The following SPIN3 variants were observed in gnomAD, a reference collection of about 807,000 sequenced individuals.
SPIN3 encodes the protein spindlin-3.
For missense variants in SPIN3, 176 were observed against 196.4 expected (o/e 0.90, Z 0.62); for synonymous variants, 74 against 74.3 (o/e 1.00, Z 0.02).
intron 5 of SPIN3, chrX:56,978,256 T>C (rs1196285305): frequency 8.9e-6 from 1 of 112,725 alleles, no homozygotes; most frequent in Non-Finnish European, 1.9e-5. Flanking sequence ...ATTCAATGTA[T>C]GAACAGGAAA....
At position 56,994,576 on chromosome X, in the gene SPIN3, C is replaced by G; in HGVS notation, c.372G>C (p.Leu124Phe). 3 of 1,211,761 alleles carry G rather than the reference C, an allele frequency of 2.5e-6. No individual in the cohort carries two copies. Among genetic ancestry groups the G allele is most frequent in the Non-Finnish European group, 3.3e-6 (3 of 895,556 alleles). ...VASSRISDTH[L>F]AEIMVGKAVE... The stretch of plus-strand genomic sequence containing the variant: ...CTGCTTTGCCAACCATTATTTCTGC[C>G]AAGTGTGTATCACTGATTCTAGATG... The change falls in exon 2 of 2, where the codon TTG (leucine) becomes TTC (phenylalanine). Residue 124 changes from leucine (L) to phenylalanine (F), a missense_variant. Leu to Phe is a conservative substitution (Grantham distance 22, BLOSUM62 0). Transcript: ENST00000374919.
intron 5 of SPIN3, chrX:56,977,230 G>A (rs895460604): frequency 5.4e-5 from 6 of 110,797 alleles, no homozygotes; most frequent in East Asian, 5.6e-4. Context: ...TTGAATTAAC[G>A]TGTCACTATT....
chrX:56,983,010 G>A (rs1215817970), intron 3 of SPIN3: 2 of 111,655 alleles, frequency 1.8e-5, no homozygotes, highest in African/African-American at 6.5e-5. Flanking sequence ...GTAGAAAGGA[G>A]CCAGATCATG....
At chrX:56,986,726 TTA>T (rs1471354398), downstream of SPIN3, among the ~76,000 whole-genome samples, 3 of 112,706 alleles carry the variant, frequency 2.7e-5, no homozygotes, top group Non-Finnish European at 3.7e-5. Flanking sequence ...AGCTTCAACT[TTA>T]TGTTATGCAC....
chrX:56,986,284 T>C (rs1014955095), downstream of SPIN3, among the ~76,000 whole-genome samples: 1 of 111,575 alleles, frequency 9.0e-6, no homozygotes, highest in Non-Finnish European at 1.9e-5. Flanking sequence ...AAGAGGGTGA[T>C]AGAGAGGGAA....
chrX:56,982,738 C>T (rs1924145275), intron 3 of SPIN3: 1 of 111,300 alleles, frequency 9.0e-6, no homozygotes, highest in Non-Finnish European at 1.9e-5. Flanking sequence ...AATACTATAA[C>T]AAAGGGATAA....
In SPIN3 at chrX:56,992,611, G is replaced by A; in HGVS notation, c.*1560C>T. On this transcript the variant is annotated 3_prime_UTR_variant, in exon 2 of 2. Coordinates refer to ENST00000374919, the MANE Select transcript of SPIN3 (RefSeq NM_001010862.3). Reference sequence around the variant, plus strand: ...AATTTGGAAGATATCTTGCAGTACAGTCCCAATATGATTGTACTGCCTTGA... The same window carrying A: ...AATTTGGAAGATATCTTGCAGTACAATCCCAATATGATTGTACTGCCTTGA... 1 of 296,840 alleles carries A rather than the reference G, an allele frequency of 3.4e-6. No homozygotes were observed. The highest frequency in any genetic ancestry group is 5.9e-6 in the Non-Finnish European group (1 of 169,964). The allele number at this position is 296,840 out of a possible 1,213,427, so 24.5% of individuals were successfully genotyped here.
At chrX:56,986,784 A>C (rs969400279), downstream of SPIN3, among the ~76,000 whole-genome samples, 24 of 112,344 alleles carry the variant, frequency 2.1e-4, no homozygotes, top group Admixed American at 1.3e-3. Flanking sequence ...CCCCATTTCC[A>C]TTTAATCAGT....
At chrX:56,979,485 A>C (rs1200472234) in intron 3 of SPIN3, 3 of 112,442 alleles carry the variant, frequency 2.7e-5, no homozygotes, top group Non-Finnish European at 5.6e-5. Flanking sequence ...AACAGCAAAC[A>C]AAACAACCAG....
At chrX:56,981,379 A>G (rs1051497391) in intron 3 of SPIN3, 2 of 109,288 alleles carry the variant, frequency 1.8e-5, no homozygotes, top group Non-Finnish European at 3.8e-5. Context: ...AAAAAAAAAG[A>G]AAAAGAAAAA....
At chrX:56,987,644 G>A (rs1602740526), downstream of SPIN3, among the ~76,000 whole-genome samples, 1 of 111,775 alleles carries the variant, frequency 8.9e-6, no homozygotes, top group East Asian at 2.8e-4. Context: ...TCAAAAAGTA[G>A]CTGAATGAAT....
chrX:56,979,245 T>C (rs941366402), intron 3 of SPIN3: 4 of 111,454 alleles, frequency 3.6e-5, no homozygotes, highest in Non-Finnish European at 3.8e-5. Context: ...TGTTTTTTTT[T>C]CAAGAGGTCT....
intron 3 of SPIN3, among the ~76,000 whole-genome samples, chrX:56,981,343 A>G (rs1924114872): frequency 9.6e-6 from 1 of 103,914 alleles, no homozygotes; most frequent in African/African-American, 3.5e-5. Context: ...TCTGGGAGAC[A>G]GAGTGAGACT....
At chrX:56,982,481 C>A (rs1924141298) in intron 3 of SPIN3, 1 of 111,679 alleles carries the variant, frequency 9.0e-6, no homozygotes, top group African/African-American at 3.3e-5. Flanking sequence ...CAGTTCTTTT[C>A]TCCTCCAGTG....
chrX:56,994,971 C>G (rs779767689), intron 1 of SPIN3, 22 bp from the exon 2 acceptor site: 1 of 1,146,778 alleles, frequency 8.7e-7, no homozygotes, highest in South Asian at 2.1e-5. Context: ...AGCACAGTTG[C>G]CAGGTGGACC....
chrX:56,978,643 C>A (rs1924053538), exon 4 of SPIN3: 1 of 111,478 alleles, frequency 9.0e-6, no homozygotes, highest in Admixed American at 9.5e-5. Context: ...AGCAGTCACC[C>A]ATGAAGAACA....
In SPIN3 at chrX:56,993,263, G is replaced by C. The variant is rs1379775770; in HGVS notation, c.*908C>G. Reference sequence around the variant, plus strand: ...TCATTTTGAGGTTCTGGACAGATCTGTCCAAACCCAGCCAAACCCAGCCTT... The same window carrying C: ...TCATTTTGAGGTTCTGGACAGATCTCTCCAAACCCAGCCAAACCCAGCCTT... On this transcript the variant is annotated 3_prime_UTR_variant, in exon 2 of 2. Coordinates refer to ENST00000374919, the MANE Select transcript of SPIN3 (RefSeq NM_001010862.3). The C allele has an allele frequency of 3.6e-5, 4 of 111,969 alleles. No individual in the cohort carries two copies. In the East Asian group the frequency reaches 1.1e-3, roughly 32 times the overall value. 9.2% of individuals were successfully genotyped at this position (111,969 alleles called of 1,213,427 possible).
rs1375147662 is a variant in SPIN3 at position 56,991,122 on chromosome X, A to C, written c.*3049T>G. On this transcript the variant is annotated 3_prime_UTR_variant, in exon 2 of 2. Coordinates refer to ENST00000374919, the MANE Select transcript of SPIN3 (RefSeq NM_001010862.3). The stretch of plus-strand genomic sequence containing the variant: ...CCTTTTATACTGTTTGACTTTTACC[A>C]TAGGCATGTGTTATTTTTCTAAAAA... The C allele has an allele frequency of 8.9e-6, 1 of 111,849 alleles. No homozygotes were observed. The highest frequency in any genetic ancestry group is 3.2e-5 in the African/African-American group (1 of 30,813). The allele number at this position is 111,849 out of a possible 1,213,427, so 9.2% of individuals were successfully genotyped here.
chrX:56,976,958 T>G (rs1402277755), exon 6 of SPIN3: 1 of 112,069 alleles, frequency 8.9e-6, no homozygotes, highest in Non-Finnish European at 1.9e-5. Context: ...TTTTGTTCAT[T>G]TAAAACAGCT....
Sources: gnomAD v4.1 joint callset for allele counts (sites outside exome capture counted in the v4.1 genomes callset) on GRCh38, gnomAD v4.1.1 for gene constraint, MANE v1.5 for transcripts, NCBI Gene and HGNC (gene_info 2026-07-23, HGNC 2026-07-21) for gene names.